Variants in BBX observed in about 807,000 individuals in gnomAD.
BBX encodes BBX high mobility group box domain containing.
In BBX, 30 loss-of-function variants were observed where a neutral mutation model predicts 100.2. The ratio of observed to expected loss-of-function variants is 0.30; its 90% CI spans 0.22 to 0.41. The LOEUF (loss-of-function observed/expected upper bound fraction) is 0.41. BBX is among the 10% of genes least tolerant of loss of function. BBX has a pLI of 1.00. For missense variants in BBX, 1,023 were observed against 1,129.8 expected, an observed-to-expected ratio of 0.91 and a Z score of 1.35; for synonymous variants, 376 against 388.1, an observed-to-expected ratio of 0.97 and a Z score of 0.37.
chr3:107,534,542 C>T (rs1464638502), intron 2 of BBX, among the ~76,000 whole-genome samples: 1 of 151,900 alleles, frequency 6.6e-6, no homozygotes, highest in Non-Finnish European at 1.5e-5. Flanking sequence ...TGGTAATGTG[C>T]ATCTGTGATA....
chr3:107,774,621 A>G, intron 11 of BBX, 98 bp from the exon 12 acceptor site: 1 of 1,281,366 alleles, frequency 7.8e-7, no homozygotes, highest in Non-Finnish European at 1.1e-6. Flanking sequence ...CATGCAAATG[A>G]TATGCAAGCA....
At chr3:107,546,068 A>G (rs1416905564) in intron 2 of BBX, among the ~76,000 whole-genome samples, 1 of 152,162 alleles carries the variant, frequency 6.6e-6, no homozygotes, top group Non-Finnish European at 1.5e-5. Context: ...CCCACTGGCT[A>G]CTGAACAGTT....
At chr3:107,796,731 A>AC (rs972467405) in intron 15 of BBX, among the ~76,000 whole-genome samples, 8 of 152,316 alleles carry the variant, frequency 5.3e-5, no homozygotes, top group Admixed American at 5.2e-4. Flanking sequence ...CTAAAAAAAA[A>AC]AAACTTAAAA....
chr3:107,537,379 CATATGCCAATAAAA>C (rs1238338282), intron 2 of BBX, among the ~76,000 whole-genome samples: 1 of 152,150 alleles, frequency 6.6e-6, no homozygotes, highest in African/African-American at 2.4e-5. Flanking sequence ...GGGGTCCAAA[CATATGCCAATAAAA>C]ATACTACAAA....
chr3:107,689,941 G>T (rs2060056370), intron 3 of BBX, among the ~76,000 whole-genome samples: 1 of 152,064 alleles, frequency 6.6e-6, no homozygotes, highest in Non-Finnish European at 1.5e-5. Flanking sequence ...CCTCTCAAAT[G>T]GGCATAATTT....
intron 2 of BBX, among the ~76,000 whole-genome samples, chr3:107,609,038 GC>G (rs1412607977): frequency 6.6e-6 from 1 of 152,080 alleles, no homozygotes; most frequent in Admixed American, 6.6e-5. Context: ...CAATTTGGAT[GC>G]CCTTTATTGC....
rs990378671 is a variant in BBX, at chr3:107,809,314, C to T, written c.*3857C>T. The T allele has an allele frequency of 9.2e-5, 14 of 152,146 alleles. No individual in the cohort carries two copies. The highest frequency in any genetic ancestry group is 3.1e-4 in the African/African-American group (13 of 41,430). The allele number at this position is 152,146 out of a possible 1,614,324, so 9.4% of individuals were successfully genotyped here. A position where few individuals can be genotyped will look rare whatever the true frequency, so the allele number is the denominator to read the frequency against. Reference sequence around the variant, plus strand: ...CTGCCTGCTAAACTACTGTATGAATCGTAAATGTTCTGAAGACGAGCAGCT... The same window carrying T: ...CTGCCTGCTAAACTACTGTATGAATTGTAAATGTTCTGAAGACGAGCAGCT... On this transcript the variant is annotated 3_prime_UTR_variant, in exon 18 of 18. Coordinates refer to ENST00000325805, the MANE Select transcript of BBX (RefSeq NM_001142568.3).
At chr3:107,561,040 G>A (rs477990) in intron 2 of BBX, among the ~76,000 whole-genome samples, 16,307 of 152,146 alleles carry the variant, frequency 0.11, 979 homozygotes, top group Non-Finnish European at 0.12. Context: ...CTAGGTGCTA[G>A]TACCACTCTC....
At chr3:107,551,908 A>G (rs2107429755) in intron 2 of BBX, among the ~76,000 whole-genome samples, 1 of 152,284 alleles carries the variant, frequency 6.6e-6, no homozygotes, top group South Asian at 2.1e-4. Flanking sequence ...TTTTCATGTA[A>G]GAGGCTGAAG....
At chr3:107,729,116 A>G (rs943138831) in intron 6 of BBX, among the ~76,000 whole-genome samples, 156 bp downstream of exon 6, 1 of 152,196 alleles carries the variant, frequency 6.6e-6, no homozygotes, top group South Asian at 2.1e-4. Flanking sequence ...ATCATGATAT[A>G]TATAGAATAC....
intron 2 of BBX, among the ~76,000 whole-genome samples, chr3:107,552,184 A>C (rs955960175): frequency 5.9e-5 from 9 of 151,548 alleles, no homozygotes; most frequent in Admixed American, 5.9e-4. Flanking sequence ...TATACTAAAA[A>C]ATACAAAAAG....
At chr3:107,580,019 T>G (rs1417825042) in intron 2 of BBX, among the ~76,000 whole-genome samples, 1 of 152,154 alleles carries the variant, frequency 6.6e-6, no homozygotes, top group Non-Finnish European at 1.5e-5. Context: ...TACGTAACTT[T>G]GGATTGTACT....
intron 3 of BBX, among the ~76,000 whole-genome samples, chr3:107,696,935 C>G (rs573046348): frequency 2.0e-5 from 3 of 151,840 alleles, no homozygotes. Flanking sequence ...CTTCTTGCTT[C>G]ATTTCATTCA....
At chr3:107,747,055 A>G (rs2064675974) in intron 8 of BBX, among the ~76,000 whole-genome samples, 2 of 152,140 alleles carry the variant, frequency 1.3e-5, no homozygotes, top group African/African-American at 4.8e-5. Context: ...CTTTGGAACC[A>G]AAATTACTAA....
chr3:107,673,324 A>G (rs2059119320), intron 3 of BBX, among the ~76,000 whole-genome samples: 1 of 152,114 alleles, frequency 6.6e-6, no homozygotes, highest in Admixed American at 6.6e-5. Context: ...TGATTAGGGC[A>G]AAGAGTTTTT....
At chr3:107,562,632 T>G (rs977839819) in intron 2 of BBX, among the ~76,000 whole-genome samples, 2 of 152,176 alleles carry the variant, frequency 1.3e-5, no homozygotes, top group African/African-American at 4.8e-5. Flanking sequence ...GGAGACTTTT[T>G]TAATTTTGGA....
chr3:107,558,968 G>A (rs2050285112), intron 2 of BBX, among the ~76,000 whole-genome samples: 1 of 152,210 alleles, frequency 6.6e-6, no homozygotes, highest in Admixed American at 6.5e-5. Context: ...TGAAGTAGTA[G>A]TTCATGTAAA....
chr3:107,724,425 G>T (rs111537838), intron 5 of BBX, among the ~76,000 whole-genome samples: 23,009 of 151,802 alleles, frequency 0.15, 2,158 homozygotes, highest in African/African-American at 0.26. Flanking sequence ...GATCCCATTT[G>T]TCAATTTTGT....
At chr3:107,675,862 C>T (rs1419444185) in intron 3 of BBX, among the ~76,000 whole-genome samples, 1 of 152,098 alleles carries the variant, frequency 6.6e-6, no homozygotes, top group Admixed American at 6.6e-5. Context: ...GCTGGATTTG[C>T]AGTCCCTATC....
Sources: allele counts gnomAD v4.1 joint callset (sites outside exome capture counted in the v4.1 genomes callset), GRCh38; gene constraint gnomAD v4.1.1; transcripts MANE v1.5; gene names NCBI Gene and HGNC (gene_info 2026-07-23, HGNC 2026-07-21).